Variants in GCA observed in about 807,000 individuals in gnomAD.
The protein encoded by GCA is grancalcin, EF-hand calcium-binding protein.
Under a neutral mutation model 32.6 loss-of-function variants are expected in GCA, and 30 were observed. The observed-to-expected ratio is 0.92, with a 90% CI of 0.69 to 1.25. GCA has a LOEUF of 1.25. Ranked by LOEUF, GCA falls within the 50% of genes most tolerant of loss-of-function variation. GCA has a pLI of 0.00. For missense variants in GCA, 291 were observed against 266.8 expected (o/e 1.09, Z -0.63); for synonymous variants, 102 against 84.6 (o/e 1.21, Z -1.13).
At chr2:162,335,985 C>T (rs1315583479) in intron 1 of GCA, among the ~76,000 whole-genome samples, 1 of 152,204 alleles carries the variant, frequency 6.6e-6, no homozygotes, top group Non-Finnish European at 1.5e-5. Flanking sequence ...ATTGTCCCAA[C>T]TCTGACATTG....
At chr2:162,372,130 T>A, downstream of GCA, 1 of 1,524,144 alleles carries the variant, frequency 6.6e-7, no homozygotes, top group Non-Finnish European at 9.0e-7. Flanking sequence ...TTTTTATAAT[T>A]CACATTGATA....
At chr2:162,348,085 A>G (rs1684801147) in intron 2 of GCA, among the ~76,000 whole-genome samples, 1 of 152,166 alleles carries the variant, frequency 6.6e-6, no homozygotes, top group African/African-American at 2.4e-5. Flanking sequence ...AAACTTAGAT[A>G]TATCTTCTTA....
At position 162,361,261 on chromosome 2, in the gene GCA, C is replaced by G; in HGVS notation, c.*1018C>G. 1 of 984,598 alleles carries G rather than the reference C, an allele frequency of 1.0e-6. No homozygotes were observed. The highest frequency in any genetic ancestry group is 1.2e-6 in the Non-Finnish European group (1 of 829,384). 61.0% of individuals were successfully genotyped at this position (984,598 alleles called of 1,614,324 possible). ...CATAGTAGGCACCACAGCAACTTTT[C>G]TGCGTGGTACTAAAACTGCCGAAAA... On this transcript the variant is annotated 3_prime_UTR_variant, in exon 8 of 8. Coordinates refer to ENST00000437150, the MANE Select transcript of GCA (RefSeq NM_012198.5).
downstream of GCA, chr2:162,372,161 C>CT: frequency 8.0e-7 from 1 of 1,255,182 alleles, no homozygotes; most frequent in African/African-American, 1.5e-5. Flanking sequence ...GAAAATTACA[C>CT]TAATAAAAAC....
At chr2:162,354,173 T>A (rs1232352145) in intron 3 of GCA, among the ~76,000 whole-genome samples, 1 of 152,224 alleles carries the variant, frequency 6.6e-6, no homozygotes, top group Non-Finnish European at 1.5e-5. Context: ...CTGATGATAC[T>A]GCTTTGCTCT....
intron 1 of GCA, 46 bp downstream of exon 1, chr2:162,344,321 G>A: frequency 6.3e-7 from 1 of 1,593,408 alleles, no homozygotes; most frequent in Non-Finnish European, 8.6e-7. Flanking sequence ...CGCGGGGTGT[G>A]GCGCCCCCGG....
In GCA at chr2:162,363,064, G is replaced by A. The variant is rs1293263170; in HGVS notation, c.*2821G>A. On this transcript the variant is annotated 3_prime_UTR_variant, in exon 8 of 8. Transcript: ENST00000437150. ...AAGTAAAATATAAGACATTAAGTTT[G>A]CCTGTAATCTTATGGCATTACTAAA... Among the ~76,000 whole-genome samples, 1 of 151,222 alleles carries A rather than the reference G, an allele frequency of 6.6e-6. No individual in the cohort carries two copies. Among genetic ancestry groups the A allele is most frequent in the Non-Finnish European group, 1.5e-5 (1 of 67,468 alleles).
At chr2:162,332,322 A>AAATAT in intron 1 of GCA, among the ~76,000 whole-genome samples, 1 of 136,920 alleles carries the variant, frequency 7.3e-6, no homozygotes, top group South Asian at 2.2e-4. Context: ...AAAAAAAAAA[A>AAATAT]ATATATATAT....
At chr2:162,355,758 C>T (rs1054407657) in intron 3 of GCA, among the ~76,000 whole-genome samples, 12 of 151,536 alleles carry the variant, frequency 7.9e-5, no homozygotes, top group African/African-American at 9.7e-5. Flanking sequence ...CCCCAACCCC[C>T]GAGAAAAACC....
At chr2:162,371,715 G>T, downstream of GCA, 1 of 1,012,466 alleles carries the variant, frequency 9.9e-7, no homozygotes, top group Non-Finnish European at 1.4e-6. Flanking sequence ...CAGTACTTTT[G>T]CATATAATGG....
upstream of GCA, among the ~76,000 whole-genome samples, chr2:162,340,025 C>A (rs1319004642): frequency 6.6e-6 from 1 of 152,130 alleles, no homozygotes; most frequent in African/African-American, 2.4e-5. Context: ...TTTTTATAAT[C>A]AATGATGCCC....
chr2:162,356,704 TAG>T (rs1685289759), intron 4 of GCA, 52 bp from the exon 5 acceptor site: 2 of 1,355,350 alleles, frequency 1.5e-6, no homozygotes, highest in Non-Finnish European at 2.1e-6. Context: ...GTCAATGATT[TAG>T]AGTCAGATAA....
At chr2:162,343,797 T>C (rs1414872372), upstream of GCA, among the ~76,000 whole-genome samples, 1 of 152,164 alleles carries the variant, frequency 6.6e-6, no homozygotes. Context: ...CTTGCCGGTT[T>C]GGGGTTTCTA....
In GCA at chr2:162,360,368, CTG is replaced by C. The variant is rs1685515324; in HGVS notation, c.*131_*132del. ...CCTACCTGTTAAACCTCTTCCCTTT[CTG>C]TGTGTTTTTATTTTAGCAGATAGTT... On this transcript the variant is annotated 3_prime_UTR_variant, in exon 8 of 8. Transcript: ENST00000437150. 7.2e-7 allele frequency: 1 copy of C among 1,389,274 alleles called. No homozygotes were observed. Among genetic ancestry groups the C allele is most frequent in the African/African-American group, 1.5e-5 (1 of 66,086 alleles). 86.1% of individuals were successfully genotyped at this position (1,389,274 alleles called of 1,614,324 possible).
chr2:162,323,259 G>T (rs1161039692), intron 1 of GCA, among the ~76,000 whole-genome samples: 2 of 151,726 alleles, frequency 1.3e-5, no homozygotes, highest in South Asian at 2.1e-4. Flanking sequence ...GGGGTTGTTT[G>T]TTTTTTTCTT....
chr2:162,368,097 T>C (rs1460928716), downstream of GCA, among the ~76,000 whole-genome samples: 2 of 151,948 alleles, frequency 1.3e-5, no homozygotes, highest in Non-Finnish European at 2.9e-5. Context: ...CCCTAAATTT[T>C]CTGATTTACT....
downstream of GCA, among the ~76,000 whole-genome samples, chr2:162,375,251 T>TG (rs1255947632): frequency 6.6e-6 from 1 of 152,152 alleles, no homozygotes; most frequent in Non-Finnish European, 1.5e-5. Context: ...TAAAAGGATT[T>TG]GGGGGGAAAG....
Position 162,360,771 on chromosome 2 carries a change from C to A in GCA, c.*528C>A. On this transcript the variant is annotated 3_prime_UTR_variant, in exon 8 of 8. Transcript: ENST00000437150. ...AGAAAAGAAACTTAAAGATCTTTGT[C>A]TGTGAAGAAGAAAATTATCTCCCTA... The A allele has an allele frequency of 2.2e-6, 3 of 1,371,482 alleles. No individual in the cohort carries two copies. Among genetic ancestry groups the A allele is most frequent in the South Asian group, 1.8e-5 (1 of 56,224 alleles). The allele number at this position is 1,371,482 out of a possible 1,614,324, so 85.0% of individuals were successfully genotyped here. A position where few individuals can be genotyped will look rare whatever the true frequency, so the allele number is the denominator to read the frequency against.
At chr2:162,345,572 G>A (rs1326487899) in intron 1 of GCA, among the ~76,000 whole-genome samples, 1 of 152,206 alleles carries the variant, frequency 6.6e-6, no homozygotes, top group Middle Eastern at 3.4e-3. Context: ...TTGATGGAGA[G>A]TTCCACGACA....
Sources: gnomAD v4.1 joint callset for allele counts (sites outside exome capture counted in the v4.1 genomes callset) on GRCh38, gnomAD v4.1.1 for gene constraint, MANE v1.5 for transcripts, NCBI Gene and HGNC (gene_info 2026-07-23, HGNC 2026-07-21) for gene names.